Variants in AGBL1 observed in about 807,000 individuals in gnomAD.
The protein encoded by AGBL1 is AGBL carboxypeptidase 1.
A neutral mutation model predicts 118.9 loss-of-function variants in AGBL1; 130 were observed. The observed-to-expected ratio is 1.09, with a 90% CI of 0.95 to 1.26. The LOEUF is 1.26. AGBL1 is among the 50% of genes most tolerant of loss of function. AGBL1 has a pLI of 0.00. For synonymous variants in AGBL1, 555 were observed against 478.9 expected (o/e 1.16, Z -2.08); for missense variants, 1,584 against 1,298.1 (o/e 1.22, Z -3.38).
chr15:86,852,402 T>A (rs954785346), intron 22 of AGBL1, among the ~76,000 whole-genome samples: 8 of 152,108 alleles, frequency 5.3e-5, no homozygotes, highest in Non-Finnish European at 1.0e-4. Flanking sequence ...CAATTGGAGA[T>A]TATATTTGGG....
chr15:87,026,646 T>A (rs557448308), intron 24 of AGBL1, among the ~76,000 whole-genome samples: 3 of 151,846 alleles, frequency 2.0e-5, no homozygotes, highest in African/African-American at 7.2e-5. Context: ...CCACTACTGA[T>A]ACCTACCCAG....
chr15:86,140,018 G>T, intron 1 of AGBL1: 1 of 171,928 alleles, frequency 5.8e-6, no homozygotes, highest in East Asian at 1.5e-4. Flanking sequence ...GACATGATGT[G>T]GAGAGCCCCT....
intron 22 of AGBL1, among the ~76,000 whole-genome samples, chr15:86,766,057 C>T (rs1008827644): frequency 6.6e-6 from 1 of 151,914 alleles, no homozygotes; most frequent in African/African-American, 2.4e-5. Context: ...ATGTGCCCTG[C>T]ATGTTTTTAA....
rs1162570173 is a variant in AGBL1 at position 86,160,099 on chromosome 15, GTTT to G, written c.488+1092_488+1094del. Among the ~76,000 whole-genome samples the G allele has an allele frequency of 8.3e-4, 91 of 110,280 alleles. 1 individual carries two copies. Among genetic ancestry groups the G allele is most frequent in the African/African-American group, 3.2e-3 (88 of 27,758 alleles). The allele number at this position is 110,280 out of a possible 152,430, so 72.3% of individuals were successfully genotyped here. A position where few individuals can be genotyped will look rare whatever the true frequency, so the allele number is the denominator to read the frequency against. On this transcript the variant is annotated intron_variant, in intron 5 of 22. Coordinates refer to ENST00000614907, the MANE Select transcript of AGBL1 (RefSeq NM_001386094.1). The stretch of plus-strand genomic sequence containing the variant: ...AAATTGATTTAGTCAGGGAACTGTG[GTTT>G]TTTTTTTTTTTTTTTTTTGAGATCA...
At chr15:86,805,572 A>G (rs1053971685) in intron 22 of AGBL1, among the ~76,000 whole-genome samples, 8 of 152,140 alleles carry the variant, frequency 5.3e-5, no homozygotes, top group African/African-American at 1.9e-4. Context: ...AGTGTACAAG[A>G]TTACGAATTG....
chr15:86,866,860 A>G lies in AGBL1; in HGVS notation c.3159-40227A>G, dbSNP rs16978049. 3.4e-3 allele frequency among the ~76,000 whole-genome samples: 514 copies of G among 152,326 alleles called. 2 individuals are homozygous for G. Among genetic ancestry groups the G allele is most frequent in the African/African-American group, 0.012 (502 of 41,586 alleles). The stretch of plus-strand genomic sequence containing the variant: ...TAAATAGAACTATGCTTAGTCCACT[A>G]TTTGCCCATCTGACAGAGACTGTAG... On this transcript the variant is annotated intron_variant, in intron 22 of 22. Transcript: ENST00000614907.
intron 17 of AGBL1, among the ~76,000 whole-genome samples, chr15:86,335,711 T>C (rs2080357384): frequency 6.6e-6 from 1 of 152,122 alleles, no homozygotes; most frequent in South Asian, 2.1e-4. Context: ...AATAAGGTGT[T>C]GTTATAAGAA....
chr15:86,721,093 C>T (rs190727843), intron 22 of AGBL1, among the ~76,000 whole-genome samples: 3,300 of 152,236 alleles, frequency 0.022, 100 homozygotes, highest in African/African-American at 0.073. Context: ...GGTACCATTC[C>T]TTCTGAAACT....
chr15:86,498,131 T>G (rs567944606), intron 18 of AGBL1, among the ~76,000 whole-genome samples: 9 of 152,048 alleles, frequency 5.9e-5, no homozygotes, highest in African/African-American at 1.9e-4. Flanking sequence ...CATTTCATAA[T>G]TAGAAATATC....
intron 5 of AGBL1, among the ~76,000 whole-genome samples, chr15:86,196,906 C>A (rs1054737992): frequency 3.3e-5 from 5 of 151,540 alleles, no homozygotes; most frequent in East Asian, 3.9e-4. Context: ...CACACACACA[C>A]ACACACACAC....
intron 23 of AGBL1, chr15:86,935,294 T>G (rs1220394223): frequency 6.6e-6 from 1 of 152,254 alleles, no homozygotes; most frequent in African/African-American, 2.4e-5. Context: ...GCGGGCACTG[T>G]GAGTCACCAC....
At chr15:86,348,899 A>T (rs1227886174) in intron 17 of AGBL1, among the ~76,000 whole-genome samples, 1 of 152,018 alleles carries the variant, frequency 6.6e-6, no homozygotes, top group Admixed American at 6.6e-5. Context: ...TATGAATGTG[A>T]TCATGTTGAG....
intron 23 of AGBL1, chr15:86,938,991 A>G (rs987291193): frequency 2.0e-5 from 3 of 152,292 alleles, no homozygotes; most frequent in African/African-American, 7.2e-5. Flanking sequence ...GGGGTGACCC[A>G]CATTCACTGT....
chr15:86,873,786 A>G (rs531038254), intron 22 of AGBL1, among the ~76,000 whole-genome samples: 2 of 152,318 alleles, frequency 1.3e-5, no homozygotes, highest in East Asian at 3.9e-4. Context: ...TGCTATTGCT[A>G]TCTGAACAGA....
At chr15:86,982,655 A>T (rs549659238) in intron 23 of AGBL1, among the ~76,000 whole-genome samples, 1 of 152,308 alleles carries the variant, frequency 6.6e-6, no homozygotes, top group South Asian at 2.1e-4. Context: ...GAAGACCTTT[A>T]TGATGATTCA....
At chr15:86,552,494 C>A (rs1471162685) in intron 20 of AGBL1, among the ~76,000 whole-genome samples, 1 of 152,122 alleles carries the variant, frequency 6.6e-6, no homozygotes, top group Admixed American at 6.5e-5. Context: ...GATATGGAAA[C>A]AATATATTTA....
intron 18 of AGBL1, among the ~76,000 whole-genome samples, chr15:86,447,757 T>C (rs898185081): frequency 1.3e-5 from 2 of 152,166 alleles, no homozygotes; most frequent in African/African-American, 4.8e-5. Context: ...GCGGAATATC[T>C]GGAGTTGAGA....
chr15:86,819,287 G>C (rs1370334614), intron 22 of AGBL1, among the ~76,000 whole-genome samples: 1 of 151,916 alleles, frequency 6.6e-6, no homozygotes, highest in African/African-American at 2.4e-5. Context: ...AATAGAAGGA[G>C]GTACACAAAG....
At chr15:86,104,544 G>T (rs182855694) in intron 1 of AGBL1, among the ~76,000 whole-genome samples, 1 of 152,090 alleles carries the variant, frequency 6.6e-6, no homozygotes, top group Non-Finnish European at 1.5e-5. Flanking sequence ...GGCTGTATGT[G>T]GGGGAGTCTT....
Sources: allele counts gnomAD v4.1 joint callset (sites outside exome capture counted in the v4.1 genomes callset), GRCh38; gene constraint gnomAD v4.1.1; transcripts MANE v1.5; gene names NCBI Gene and HGNC (gene_info 2026-07-23, HGNC 2026-07-21).